TMEM82: variants seen among roughly 807,000 people sequenced by gnomAD.
The protein encoded by TMEM82 is transmembrane protein 82.
TMEM82 carries 30 observed loss-of-function variants against 29.2 expected under a neutral mutation model. The ratio of observed to expected loss-of-function variants is 1.03; its 90% CI spans 0.77 to 1.39. The LOEUF (loss-of-function observed/expected upper bound fraction) is 1.39. TMEM82 is among the 40% of genes most tolerant of loss of function. The pLI, the probability that TMEM82 is intolerant of heterozygous loss-of-function variation, is 0.00. For synonymous variants in TMEM82, 221 were observed against 225.4 expected, an observed-to-expected ratio of 0.98 and a Z score of 0.18; for missense variants, 442 against 447.7, an observed-to-expected ratio of 0.99 and a Z score of 0.12.
chr1:15,742,801 A>C (rs1325860753), intron 1 of TMEM82, 34 bp from the exon 2 acceptor site: 1 of 1,601,262 alleles, frequency 6.2e-7, no homozygotes, highest in Non-Finnish European at 8.5e-7. Context: ...ACACCCCTGC[A>C]CGCTGCCTCG....
rs549026842 is a variant in TMEM82, at chr1:15,746,723, G to A, written c.758-144G>A. The stretch of plus-strand genomic sequence containing the variant: ...GCACCTGGTGCCCTGCAGATACTCG[G>A]AGCAGGGATGGGGACCAGGAGGATG... On this transcript the variant is annotated intron_variant, in intron 4 of 5. Coordinates refer to ENST00000375782, the MANE Select transcript of TMEM82 (RefSeq NM_001013641.3). 8 of 689,430 alleles carry A rather than the reference G, an allele frequency of 1.2e-5. No homozygotes were observed. The East Asian group carries it at 2.2e-4, about 19-fold the overall frequency. 42.7% of individuals were successfully genotyped at this position (689,430 alleles called of 1,614,324 possible).
chr1:15,747,183 T>A lies in TMEM82; in HGVS notation c.945+129T>A, dbSNP rs2068342943. 1.3e-5 allele frequency: 13 copies of A among 1,007,440 alleles called. No homozygotes were observed. In the East Asian group the frequency reaches 3.3e-4, roughly 26 times the overall value. The allele number at this position is 1,007,440 out of a possible 1,614,324, so 62.4% of individuals were successfully genotyped here. On this transcript the variant is annotated intron_variant, in intron 5 of 5. Transcript: ENST00000375782. ...CTCTCACACCTGTAATCCCAAATAC[T>A]CAGGAGGCTGAGACCTGAGAATCAC...
intron 3 of TMEM82, 77 bp downstream of exon 3, chr1:15,743,271 AG>A (rs2068306670): frequency 6.9e-7 from 1 of 1,452,986 alleles, no homozygotes; most frequent in Non-Finnish European, 9.2e-7. Context: ...TGTGGGCAGC[AG>A]GGCCCAGGTC....
Position 15,743,096 on chromosome 1 carries a change from C to T in TMEM82, c.238C>T (p.Leu80=). 2 of 1,611,842 alleles carry T rather than the reference C, an allele frequency of 1.2e-6. No homozygotes were observed. Among genetic ancestry groups the T allele is most frequent in the Non-Finnish European group, 8.5e-7 (1 of 1,179,534 alleles). Residue 80 remains leucine (L), a synonymous_variant, in exon 3 of 6, where the codon CTG becomes TTG. Transcript: ENST00000375782. ...ASLETVHLAG[L]ALFLTVVGSR... is the part of the protein sequence containing the mutation. ...CCTGGAAACGGTGCACCTGGCAGGG[C>T]TGGCCCTGTTTCTGACGGTCGTGGG...
chr1:15,746,580 G>C (rs1451746833), intron 4 of TMEM82, among the ~76,000 whole-genome samples: 1 of 152,044 alleles, frequency 6.6e-6, no homozygotes, highest in African/African-American at 2.4e-5. Flanking sequence ...CTAGAGGCGG[G>C]TGTGCGGAAA....
At chr1:15,746,769 G>A (rs569135206) in intron 4 of TMEM82, 98 bp from the exon 5 acceptor site, 3 of 1,015,466 alleles carry the variant, frequency 3.0e-6, no homozygotes, top group African/African-American at 1.6e-5. Context: ...AGGGCTGCAC[G>A]GGAGGGGAAG....
Position 15,747,708 on chromosome 1 carries a change from C to T in TMEM82, c.*76C>T, listed in dbSNP as rs2148397006. The T allele has an allele frequency of 7.4e-7, 1 of 1,354,898 alleles. No individual in the cohort carries two copies. Among genetic ancestry groups the T allele is most frequent in the African/African-American group, 1.4e-5 (1 of 69,162 alleles). The allele number at this position is 1,354,898 out of a possible 1,614,324, so 83.9% of individuals were successfully genotyped here. ...CCGAGGCCTTGACCCCAGGGCGATGCCTGGAGGCAGAGTGGCAGAGCTGGC... is the reference window on the plus strand; with the variant it reads ...CCGAGGCCTTGACCCCAGGGCGATGTCTGGAGGCAGAGTGGCAGAGCTGGC... On this transcript the variant is annotated 3_prime_UTR_variant, in exon 6 of 6. Coordinates refer to ENST00000375782, the MANE Select transcript of TMEM82 (RefSeq NM_001013641.3).
chr1:15,746,707 G>A (rs1161890349), intron 4 of TMEM82, among the ~76,000 whole-genome samples, 160 bp from the exon 5 acceptor site: 1 of 152,146 alleles, frequency 6.6e-6, no homozygotes, highest in African/African-American at 2.4e-5. Context: ...AGCACCTGGT[G>A]CCCTGCAGAT....
At chr1:15,745,521 A>AAGAAAGAGAGAAAGAGAGAG (rs1374104221) in intron 4 of TMEM82, among the ~76,000 whole-genome samples, 4 of 128,356 alleles carry the variant, frequency 3.1e-5, no homozygotes, top group Non-Finnish European at 4.9e-5. Context: ...TCTGGAAAGA[A>AAGAAAGAGAGAAAGAGAGAG]AGAAAGAGAG....
chr1:15,746,024 T>C (rs72883923), intron 4 of TMEM82, among the ~76,000 whole-genome samples: 12,234 of 151,260 alleles, frequency 0.081, 591 homozygotes, highest in African/African-American at 0.13. Flanking sequence ...TGTGCCCGGC[T>C]TACTGCAGGG....
Position 15,744,592 on chromosome 1 carries a change from G to T in TMEM82, c.757+12G>T. 1 of 1,594,402 alleles carries T rather than the reference G, an allele frequency of 6.3e-7. No homozygotes were observed. Among genetic ancestry groups the T allele is most frequent in the South Asian group, 1.1e-5 (1 of 88,070 alleles). On this transcript the variant is annotated intron_variant, in intron 4 of 5. Transcript: ENST00000375782. This position sits in a 1 kb window ranked among gnomAD's most constrained non-coding sequence, Gnocchi z 5.2. ...CATCTACATGCAGGGTGAGCGCTGC[G>T]GGGCCTGCTCCATTCAATCCACGCA... is the stretch of plus-strand genomic sequence containing the variant.
At chr1:15,745,561 A>AAGAG (rs796862384) in intron 4 of TMEM82, among the ~76,000 whole-genome samples, 23 of 147,954 alleles carry the variant, frequency 1.6e-4, no homozygotes, top group Middle Eastern at 7.2e-3. Context: ...GAAAGAGAGA[A>AAGAG]AGAGAGAGAG....
chr1:15,747,504 G>A (rs373193668), intron 5 of TMEM82, 42 bp from the exon 6 acceptor site: 4 of 1,566,612 alleles, frequency 2.6e-6, no homozygotes, highest in East Asian at 2.2e-5. Context: ...CCCGCAGGGG[G>A]ATGGGTGAAT....
Position 15,744,797 on chromosome 1 carries a change from T to A in TMEM82, c.757+217T>A, listed in dbSNP as rs1259112397. Among the ~76,000 whole-genome samples the A allele has an allele frequency of 2.0e-5, 3 of 151,914 alleles. No individual in the cohort carries two copies. The East Asian group carries it at 5.8e-4, about 29-fold the overall frequency. ...TGGGCTTTGAAGGATGAGCAGGAGA[T>A]CCCTAAGAGAAGCGAGGCAGGGAAC... On this transcript the variant is annotated intron_variant, in intron 4 of 5. Transcript: ENST00000375782. The surrounding 1 kb of genome is among the most constrained non-coding windows in gnomAD (Gnocchi z 5.2).
At position 15,742,838 on chromosome 1, in the gene TMEM82, T is replaced by C. The variant is rs1464583287; in HGVS notation, c.92T>C (p.Leu31Pro). The change falls in exon 2 of 6, where the codon CTG (leucine) becomes CCG (proline). Residue 31 changes from leucine (L) to proline (P), a missense_variant. Transcript: ENST00000375782. ...TGCCTCCCTCCCGCCCCCTCAGGCC[T>C]GATCGGGGCCCTTGGAGTCTTGGTC... ...SSLLDSLLQG[L>P]IGALGVLVLN... 6.2e-7 allele frequency: 1 copy of C among 1,612,504 alleles called. No homozygotes were observed. Among genetic ancestry groups the C allele is most frequent in the South Asian group, 1.1e-5 (1 of 91,042 alleles).
Position 15,743,128 on chromosome 1 carries a change from G to A in TMEM82, c.270G>A (p.Arg90=), listed in dbSNP as rs759408845. The A allele has an allele frequency of 1.2e-6, 2 of 1,612,018 alleles. No individual in the cohort carries two copies. The highest frequency in any genetic ancestry group is 1.7e-6 in the Non-Finnish European group (2 of 1,179,894). The change falls in exon 3 of 6, where the codon CGG becomes CGA. Residue 90 remains arginine, a synonymous_variant. Transcript: ENST00000375782. ...LALFLTVVGS[R]VAALVVLEFS... ...TGTTTCTGACGGTCGTGGGGTCCCGGGTGGCTGCCCTCGTGGTGCTCGAGT... is the reference window on the plus strand; with the variant it reads ...TGTTTCTGACGGTCGTGGGGTCCCGAGTGGCTGCCCTCGTGGTGCTCGAGT...
chr1:15,746,428 A>T (rs938555103), intron 4 of TMEM82, among the ~76,000 whole-genome samples: 2 of 151,156 alleles, frequency 1.3e-5, no homozygotes, highest in Non-Finnish European at 2.9e-5. Context: ...AAAAAAAAAA[A>T]AGAACAGAAG....
rs1210768159 is a variant in TMEM82 at position 15,743,145 on chromosome 1, T to G, written c.287T>G (p.Val96Gly). The part of the protein sequence containing the change: ...VVGSRVAALV[V>G]LEFSLRAVST... ...GGGTCCCGGGTGGCTGCCCTCGTGG[T>G]GCTCGAGTTCTCCCTCCGGGCCGTG... is the stretch of plus-strand genomic sequence containing the variant. Residue 96 changes from valine (V) to glycine (G), a missense_variant, in exon 3 of 6, where the codon GTG (valine) becomes GGG (glycine). Val to Gly is a moderately radical substitution (Grantham distance 109). Transcript: ENST00000375782. 1 of 1,611,560 alleles carries G rather than the reference T, an allele frequency of 6.2e-7. No individual in the cohort carries two copies.
In TMEM82 at chr1:15,744,349, C is replaced by T. The variant is rs761097888; in HGVS notation, c.526C>T (p.Arg176Cys). ...CCGGCGCCTCCACCGCCACGTCTGC[C>T]GCCTCTACGAGCTGCACAGCAGCCA... ...GARRLHRHVCRLYELHSSQRY... is the reference protein window; with the variant it reads ...GARRLHRHVCCLYELHSSQRY... The change falls in exon 4 of 6, where the codon CGC (arginine) becomes TGC (cysteine). Residue 176 changes from arginine to cysteine, a missense_variant. Physicochemically the swap from Arg to Cys is radical, Grantham distance 180 (BLOSUM62 -3). Transcript: ENST00000375782. The surrounding 1 kb of genome is among the most constrained non-coding windows in gnomAD (Gnocchi z 5.2). The T allele has an allele frequency of 4.1e-5, 63 of 1,546,856 alleles. No individual in the cohort carries two copies. The highest frequency in any genetic ancestry group is 3.4e-4 in the Middle Eastern group (2 of 5,902).
Sources: allele counts gnomAD v4.1 joint callset (sites outside exome capture counted in the v4.1 genomes callset), GRCh38; gene constraint gnomAD v4.1.1; non-coding constraint Gnocchi (gnomAD v3.1); transcripts MANE v1.5; gene names NCBI Gene and HGNC (gene_info 2026-07-23, HGNC 2026-07-21).